Variants in C12orf75 observed in about 807,000 individuals in gnomAD.
C12orf75 encodes the protein overexpressed in colon carcinoma 1 protein.
A neutral mutation model predicts 11.4 loss-of-function variants in C12orf75; 4 were observed. That is an observed-to-expected ratio of 0.35 (90% CI 0.17 to 0.80). C12orf75 has a LOEUF of 0.80. Among genes scored for constraint, C12orf75 ranks in the 30% least tolerant of loss-of-function variants. The probability of loss-of-function intolerance (pLI) is 0.52; values close to 1 mark genes in which losing one functional copy is unlikely to be tolerated. For synonymous variants in C12orf75, 30 were observed against 30.0 expected, an observed-to-expected ratio of 1.00 and a Z score of 0.00; for missense variants, 89 against 80.4, an observed-to-expected ratio of 1.11 and a Z score of -0.41.
At chr12:105,352,201 A>G (rs1465076623) in intron 2 of C12orf75, among the ~76,000 whole-genome samples, 1 of 152,186 alleles carries the variant, frequency 6.6e-6, no homozygotes, top group Non-Finnish European at 1.5e-5. Flanking sequence ...CTGAAGGAGG[A>G]AGAGAAGTCA....
Position 105,370,662 on chromosome 12 carries a change from C to T in C12orf75, c.*62C>T, listed in dbSNP as rs1312321888. On this transcript the variant is annotated 3_prime_UTR_variant, in exon 6 of 6. Transcript: ENST00000443585. ...GCTCATCAGTTTGGAAGGAATTTGG[C>T]TCCGTGGGACGTTGTAATGTGCACA... 2.2e-6 allele frequency: 1 copy of T among 457,624 alleles called. No homozygotes were observed. Among genetic ancestry groups the T allele is most frequent in the Non-Finnish European group, 4.4e-6 (1 of 226,810 alleles). 28.3% of individuals were successfully genotyped at this position (457,624 alleles called of 1,614,324 possible).
intron 1 of C12orf75, among the ~76,000 whole-genome samples, chr12:105,347,690 C>T (rs1486548072): frequency 1.3e-5 from 2 of 152,210 alleles, no homozygotes; most frequent in South Asian, 2.1e-4. Context: ...TGTTAATCTC[C>T]TTTGTCAGCA....
chr12:105,356,438 G>GTT (rs1288538503), intron 2 of C12orf75, among the ~76,000 whole-genome samples: 75 of 83,030 alleles, frequency 9.0e-4, no homozygotes, highest in East Asian at 2.0e-3. Flanking sequence ...AAGACTACAG[G>GTT]CTTTTTTTTT....
chr12:105,367,884 G>C (rs7302174), intron 5 of C12orf75, among the ~76,000 whole-genome samples: 27,427 of 152,140 alleles, frequency 0.18, 2,733 homozygotes, highest in Non-Finnish European at 0.22. Flanking sequence ...TCGATTTTAA[G>C]TGGTATTAGC....
chr12:105,352,485 A>T (rs1160472621), intron 2 of C12orf75, among the ~76,000 whole-genome samples: 1 of 152,230 alleles, frequency 6.6e-6, no homozygotes, highest in Non-Finnish European at 1.5e-5. Flanking sequence ...AGAAAAATTC[A>T]GTTATTATTC....
chr12:105,367,581 T>C (rs901085990), intron 5 of C12orf75, 72 bp downstream of exon 5: 1 of 384,824 alleles, frequency 2.6e-6, no homozygotes, highest in Non-Finnish European at 4.9e-6. Flanking sequence ...TATTATTTGC[T>C]CTATAAAAAA....
At chr12:105,331,375 T>C (rs1892420491) in intron 1 of C12orf75, among the ~76,000 whole-genome samples, 2 of 150,990 alleles carry the variant, frequency 1.3e-5, no homozygotes, top group Admixed American at 1.3e-4. Context: ...ACAGGACTTT[T>C]CGGGCAGTGG....
chr12:105,349,699 A>G (rs1261033613), intron 2 of C12orf75, among the ~76,000 whole-genome samples: 3 of 152,040 alleles, frequency 2.0e-5, no homozygotes, highest in African/African-American at 7.3e-5. Context: ...AACATGGTGA[A>G]ACCCTGTCTC....
intron 1 of C12orf75, among the ~76,000 whole-genome samples, chr12:105,338,816 C>A (rs1892529369): frequency 6.6e-6 from 1 of 152,160 alleles, no homozygotes. Context: ...TTACCACCAG[C>A]CATTCATGAA....
intron 4 of C12orf75, 99 bp downstream of exon 4, chr12:105,366,795 A>G (rs1263635079): frequency 5.4e-6 from 4 of 740,602 alleles, no homozygotes; most frequent in Non-Finnish European, 6.9e-6. Context: ...GACTCAACCT[A>G]TGTATTGGTT....
chr12:105,348,418 CAAAAA>C (rs35593271), intron 1 of C12orf75, among the ~76,000 whole-genome samples, 179 bp from the exon 2 acceptor site: 2 of 116,106 alleles, frequency 1.7e-5, no homozygotes, highest in African/African-American at 3.2e-5. Flanking sequence ...GTATCTGAAA[CAAAAA>C]AAAAAAAAAA....
chr12:105,363,318 C>T (rs1209225439), intron 2 of C12orf75, among the ~76,000 whole-genome samples: 9 of 152,234 alleles, frequency 5.9e-5, no homozygotes, highest in Non-Finnish European at 2.9e-5. Context: ...GAGTCCTGGT[C>T]TCTAGTCCTA....
chr12:105,336,655 C>G (rs758692683), intron 1 of C12orf75, among the ~76,000 whole-genome samples: 1 of 152,018 alleles, frequency 6.6e-6, no homozygotes, highest in South Asian at 2.1e-4. Context: ...GGGGTAGAAG[C>G]GTTGAGGTCA....
At chr12:105,356,627 T>C (rs575812816) in intron 2 of C12orf75, among the ~76,000 whole-genome samples, 34 of 152,142 alleles carry the variant, frequency 2.2e-4, no homozygotes, top group Non-Finnish European at 3.8e-4. Flanking sequence ...AAGGATGACT[T>C]GGGAGCTGCT....
intron 2 of C12orf75, among the ~76,000 whole-genome samples, chr12:105,364,883 C>G (rs1566142846): frequency 6.7e-6 from 1 of 148,404 alleles, no homozygotes; most frequent in South Asian, 2.2e-4. Context: ...CCTCTGTTGC[C>G]CAAGCTGGAG....
intron 2 of C12orf75, among the ~76,000 whole-genome samples, chr12:105,356,798 C>A (rs552996850): frequency 1.1e-3 from 173 of 152,054 alleles, no homozygotes; most frequent in African/African-American, 4.0e-3. Flanking sequence ...ATTTTGACTA[C>A]CATATATTAC....
At chr12:105,359,773 G>GAAAAAA (rs34188320) in intron 2 of C12orf75, among the ~76,000 whole-genome samples, 1 of 83,244 alleles carries the variant, frequency 1.2e-5, no homozygotes, top group Non-Finnish European at 2.4e-5. Flanking sequence ...TCCTTCTCCA[G>GAAAAAA]AAAAAAAAAA....
chr12:105,330,941 A>T lies in C12orf75; in HGVS notation c.46+4A>T, dbSNP rs1892414081. ...ACCAGCGCGGGCGCGGGCCAAGGTG[A>T]GTCCGGCGGGAGGCGGGGGCCGGCG... On this transcript the variant is annotated splice_donor_region_variant and intron_variant, in intron 1 of 5. Coordinates refer to ENST00000443585, the MANE Select transcript of C12orf75 (RefSeq NM_001145199.2). 4.1e-6 allele frequency: 5 copies of T among 1,221,396 alleles called. No individual in the cohort carries two copies. The East Asian group carries it at 1.3e-4, about 31-fold the overall frequency. 75.7% of individuals were successfully genotyped at this position (1,221,396 alleles called of 1,614,324 possible). A position where few individuals can be genotyped will look rare whatever the true frequency, so the allele number is the denominator to read the frequency against.
At chr12:105,338,055 G>A (rs1360332098) in intron 1 of C12orf75, among the ~76,000 whole-genome samples, 1 of 152,210 alleles carries the variant, frequency 6.6e-6, no homozygotes. Context: ...AGCAAAGGCA[G>A]TTTTACCATG....
Sources: allele counts gnomAD v4.1 joint callset (sites outside exome capture counted in the v4.1 genomes callset), GRCh38; gene constraint gnomAD v4.1.1; transcripts MANE v1.5; gene names NCBI Gene and HGNC (gene_info 2026-07-23, HGNC 2026-07-21).